The following LRP1B variants were observed in gnomAD, a reference collection of about 807,000 sequenced individuals.
LRP1B encodes low-density lipoprotein receptor-related protein 1B.
A neutral mutation model predicts 556.6 loss-of-function variants in LRP1B; 217 were observed. That is an observed-to-expected ratio of 0.39 (90% confidence interval 0.35 to 0.44). LRP1B has a LOEUF of 0.44. LRP1B is among the 20% of genes least tolerant of loss of function. The pLI, the probability that LRP1B is intolerant of heterozygous loss-of-function variation, is 1.00. For missense variants in LRP1B, 5,053 were observed against 5,620.8 expected (o/e 0.90, Z 3.23); for synonymous variants, 2,047 against 1,865.8 (o/e 1.10, Z -2.50).
intron 1 of LRP1B, among the ~76,000 whole-genome samples, chr2:142,067,415 C>A (rs1315203959): frequency 2.0e-5 from 3 of 151,384 alleles, no homozygotes; most frequent in Non-Finnish European, 4.4e-5. Context: ...ACTAAATTAT[C>A]CAAATCCAAA....
chr2:140,566,604 C>T (rs1681135440), intron 43 of LRP1B, among the ~76,000 whole-genome samples: 1 of 152,128 alleles, frequency 6.6e-6, no homozygotes, highest in South Asian at 2.1e-4. Flanking sequence ...TGCACTGCCT[C>T]CCAGGGACAT....
At chr2:140,671,582 C>A (rs966101227) in intron 41 of LRP1B, among the ~76,000 whole-genome samples, 1 of 152,180 alleles carries the variant, frequency 6.6e-6, no homozygotes, top group Non-Finnish European at 1.5e-5. Context: ...AGGGAACATG[C>A]ACATTCCTTG....
intron 67 of LRP1B, among the ~76,000 whole-genome samples, chr2:140,381,293 T>C (rs1010049344): frequency 6.6e-6 from 1 of 152,064 alleles, no homozygotes; most frequent in African/African-American, 2.4e-5. Flanking sequence ...AAGAGAACAA[T>C]AACAAAAACA....
chr2:140,975,583 T>G (rs1044556572), intron 18 of LRP1B, among the ~76,000 whole-genome samples: 2 of 152,140 alleles, frequency 1.3e-5, no homozygotes, highest in Non-Finnish European at 2.9e-5. Flanking sequence ...TATTGGTGTT[T>G]CAAAATGGGT....
intron 11 of LRP1B, among the ~76,000 whole-genome samples, chr2:141,032,811 G>GTATATACATACATATATA: frequency 1.3e-5 from 1 of 79,198 alleles, no homozygotes; most frequent in Non-Finnish European, 2.7e-5. Flanking sequence ...ATGTGTGTGT[G>GTATATACATACATATATA]TATATATATA....
intron 11 of LRP1B, among the ~76,000 whole-genome samples, chr2:141,039,798 T>C (rs1292399464): frequency 6.6e-6 from 1 of 152,102 alleles, no homozygotes; most frequent in Non-Finnish European, 1.5e-5. Context: ...ATAACCCATA[T>C]TTTAATCTTC....
rs113670615 is a variant in LRP1B, at chr2:141,629,570, T to G, written c.206-149037A>C. On this transcript the variant is annotated intron_variant, in intron 2 of 90. Coordinates refer to ENST00000389484, the MANE Select transcript of LRP1B (RefSeq NM_018557.3). The stretch of plus-strand genomic sequence containing the variant: ...AATACAATAAAAAGATATAAAATTT[T>G]ATGAGCAGTGTTGCTTTTTTAAATA... Among the ~76,000 whole-genome samples the G allele has an allele frequency of 6.9e-3, 1,055 of 152,298 alleles. 18 individuals are homozygous for G. The highest frequency in any genetic ancestry group is 0.024 in the African/African-American group (992 of 41,572).
chr2:141,278,507 G>A (rs1340214044), intron 3 of LRP1B, among the ~76,000 whole-genome samples: 1 of 151,886 alleles, frequency 6.6e-6, no homozygotes, highest in Non-Finnish European at 1.5e-5. Context: ...ACATGTACTG[G>A]GTCACGTTGC....
intron 68 of LRP1B, among the ~76,000 whole-genome samples, chr2:140,377,947 C>A (rs1573865277): frequency 6.6e-6 from 1 of 152,168 alleles, no homozygotes; most frequent in East Asian, 1.9e-4. Flanking sequence ...TACAACGCAG[C>A]TATTCACCAG....
chr2:140,628,537 GAA>G (rs71408464), intron 41 of LRP1B, among the ~76,000 whole-genome samples: 1 of 138,396 alleles, frequency 7.2e-6, no homozygotes, highest in Non-Finnish European at 1.5e-5. Flanking sequence ...ACTCTGTCTC[GAA>G]AAAAAAAAAA....
intron 7 of LRP1B, among the ~76,000 whole-genome samples, chr2:141,159,543 T>C (rs2105107232): frequency 6.6e-6 from 1 of 152,224 alleles, no homozygotes; most frequent in African/African-American, 2.4e-5. Flanking sequence ...AGGGCCGTAG[T>C]TGATGAGACA....
At chr2:141,957,974 T>C (rs1210119233) in intron 1 of LRP1B, among the ~76,000 whole-genome samples, 2 of 151,944 alleles carry the variant, frequency 1.3e-5, no homozygotes, top group Admixed American at 6.6e-5. Context: ...TAGCATAGAG[T>C]GTTAGATTCT....
intron 10 of LRP1B, among the ~76,000 whole-genome samples, chr2:141,054,782 C>T (rs1293764469): frequency 6.6e-6 from 1 of 151,870 alleles, no homozygotes; most frequent in Non-Finnish European, 1.5e-5. Context: ...CATATTGGTT[C>T]AAATAAGAGG....
intron 1 of LRP1B, among the ~76,000 whole-genome samples, 197 bp downstream of exon 1, chr2:142,130,451 G>A (rs896706913): frequency 3.3e-5 from 5 of 152,226 alleles, no homozygotes; most frequent in East Asian, 3.9e-4. Flanking sequence ...CTGTGGGGGT[G>A]CCGAGGACTC....
At chr2:140,691,140 A>G (rs1686223848) in intron 41 of LRP1B, among the ~76,000 whole-genome samples, 1 of 152,186 alleles carries the variant, frequency 6.6e-6, no homozygotes. Flanking sequence ...CCCTTTTAAC[A>G]GAAGAGAGAA....
intron 43 of LRP1B, among the ~76,000 whole-genome samples, chr2:140,587,351 C>T (rs949741129): frequency 4.3e-4 from 65 of 152,202 alleles, no homozygotes; most frequent in African/African-American, 1.4e-3. Flanking sequence ...CCTACAGATT[C>T]GAGAAGCAGA....
chr2:140,945,291 C>T (rs1695509268), intron 20 of LRP1B, among the ~76,000 whole-genome samples: 1 of 152,126 alleles, frequency 6.6e-6, no homozygotes, highest in African/African-American at 2.4e-5. Flanking sequence ...TCATACTGCA[C>T]ATAGCAATCC....
intron 22 of LRP1B, among the ~76,000 whole-genome samples, chr2:140,905,962 A>T (rs1461452612): frequency 6.6e-6 from 1 of 152,148 alleles, no homozygotes; most frequent in Admixed American, 6.6e-5. Flanking sequence ...CCTAAAAAAA[A>T]ATCTCTTCAC....
intron 3 of LRP1B, among the ~76,000 whole-genome samples, chr2:141,382,485 C>T (rs959403841): frequency 3.9e-5 from 6 of 152,164 alleles, no homozygotes; most frequent in Non-Finnish European, 8.8e-5. Context: ...GACAGCAGAT[C>T]CCAAAGGGTC....
Sources: gnomAD v4.1 joint callset for allele counts (sites outside exome capture counted in the v4.1 genomes callset) on GRCh38, gnomAD v4.1.1 for gene constraint, MANE v1.5 for transcripts, NCBI Gene and HGNC (gene_info 2026-07-23, HGNC 2026-07-21) for gene names.